EPC2: variants seen among roughly 807,000 people sequenced by gnomAD.
EPC2 encodes the protein enhancer of polycomb 2.
EPC2 carries 14 observed loss-of-function variants against 92.1 expected under a neutral mutation model. That is an observed-to-expected ratio of 0.15 (90% CI 0.10 to 0.24). The LOEUF is 0.24. Ranked by LOEUF, EPC2 falls within the 10% of genes least tolerant of loss-of-function variation. The pLI is 1.00. For missense variants in EPC2, 755 were observed against 971.5 expected (o/e 0.78, Z 2.96); for synonymous variants, 340 against 334.7 (o/e 1.02, Z -0.17).
intron 1 of EPC2, among the ~76,000 whole-genome samples, chr2:148,648,220 A>G (rs1683846325): frequency 6.6e-6 from 1 of 152,192 alleles, no homozygotes; most frequent in Non-Finnish European, 1.5e-5. Flanking sequence ...AGAGTGTCCA[A>G]TTGGAGTATT....
intron 10 of EPC2, among the ~76,000 whole-genome samples, chr2:148,778,716 A>T (rs552423713): frequency 5.3e-5 from 8 of 152,106 alleles, no homozygotes; most frequent in Admixed American, 3.3e-4. Context: ...ACTATTGGCA[A>T]TTTTTGTCTA....
chr2:148,696,199 A>G (rs1681742030), intron 2 of EPC2, among the ~76,000 whole-genome samples: 1 of 152,238 alleles, frequency 6.6e-6, no homozygotes, highest in African/African-American at 2.4e-5. Flanking sequence ...CTGTTATCCC[A>G]GCACTTTGGG....
At chr2:148,723,005 A>C (rs1039424349) in intron 2 of EPC2, among the ~76,000 whole-genome samples, 4 of 152,174 alleles carry the variant, frequency 2.6e-5, no homozygotes, top group Non-Finnish European at 5.9e-5. Context: ...AGGGAACAAG[A>C]GACACTGGGA....
intron 2 of EPC2, among the ~76,000 whole-genome samples, chr2:148,734,243 C>CT (rs1224520972): frequency 6.6e-6 from 1 of 151,732 alleles, no homozygotes; most frequent in African/African-American, 2.4e-5. Context: ...GCCCTAGTGA[C>CT]TTTAAGTTTT....
chr2:148,777,632 CTG>C, intron 10 of EPC2, among the ~76,000 whole-genome samples: 1 of 152,142 alleles, frequency 6.6e-6, no homozygotes, highest in East Asian at 1.9e-4. Flanking sequence ...AGTGTAAAAT[CTG>C]TGGAGGTACC....
At chr2:148,742,784 CAAAAAA>C in intron 2 of EPC2, among the ~76,000 whole-genome samples, 1 of 135,090 alleles carries the variant, frequency 7.4e-6, no homozygotes, top group East Asian at 2.1e-4. Flanking sequence ...GACCTTGCCT[CAAAAAA>C]AAAAAAAAAA....
At chr2:148,670,217 C>T (rs1003993216) in intron 1 of EPC2, among the ~76,000 whole-genome samples, 1 of 152,190 alleles carries the variant, frequency 6.6e-6, no homozygotes, top group African/African-American at 2.4e-5. Flanking sequence ...TTTTCCTTCT[C>T]TTAAAGAGCA....
At chr2:148,776,250 G>A (rs1271854235) in intron 10 of EPC2, among the ~76,000 whole-genome samples, 4 of 152,082 alleles carry the variant, frequency 2.6e-5, no homozygotes, top group Admixed American at 2.6e-4. Flanking sequence ...TAAGGGTTAG[G>A]GTTGCTTCCA....
In EPC2 at chr2:148,781,800, A is replaced by G; in HGVS notation, c.1857+20A>G. On this transcript the variant is annotated intron_variant, in intron 11 of 13. Coordinates refer to ENST00000258484, the MANE Select transcript of EPC2 (RefSeq NM_015630.4). ...GCACAGGTAAACTGCTCTTTTCGTC[A>G]TAGTTACGTTTGTTTCTTTCATCAT... is the stretch of plus-strand genomic sequence containing the variant. The G allele has an allele frequency of 6.2e-7, 1 of 1,612,630 alleles. No individual in the cohort carries two copies. The highest frequency in any genetic ancestry group is 8.5e-7 in the Non-Finnish European group (1 of 1,179,248).
chr2:148,771,680 C>T (rs985796271), intron 10 of EPC2, among the ~76,000 whole-genome samples: 3 of 152,134 alleles, frequency 2.0e-5, no homozygotes, highest in Non-Finnish European at 4.4e-5. Context: ...CTATCTGCTG[C>T]TTATGTTAAA....
intron 2 of EPC2, among the ~76,000 whole-genome samples, chr2:148,700,705 T>TA (rs71406028): frequency 1.3e-5 from 2 of 150,864 alleles, no homozygotes; most frequent in African/African-American, 4.9e-5. Context: ...TTTTTTTTTT[T>TA]AGCACCAGTT....
intron 1 of EPC2, among the ~76,000 whole-genome samples, chr2:148,666,717 C>A (rs1180559984): frequency 6.6e-6 from 1 of 152,166 alleles, no homozygotes; most frequent in African/African-American, 2.4e-5. Context: ...CATCAAACAT[C>A]ACCTGGGAAC....
intron 1 of EPC2, among the ~76,000 whole-genome samples, chr2:148,684,402 T>C (rs1317073231): frequency 6.6e-6 from 1 of 152,262 alleles, no homozygotes. Context: ...GTTTGGGTTC[T>C]TGGTCATGAA....
chr2:148,649,687 A>G (rs1248039789), intron 1 of EPC2, among the ~76,000 whole-genome samples: 3 of 152,226 alleles, frequency 2.0e-5, no homozygotes, highest in Non-Finnish European at 4.4e-5. Flanking sequence ...CTGCTAGTGC[A>G]GGGCTGAAAT....
At position 148,770,876 on chromosome 2, in the gene EPC2, A is replaced by G; in HGVS notation, c.1315A>G (p.Thr439Ala). Residue 439 changes from threonine to alanine, a missense_variant, in exon 9 of 14, where the codon ACA (threonine) becomes GCA (alanine). Thr to Ala is a moderately conservative substitution (Grantham distance 58, BLOSUM62 0). Around this residue, in one of 4 missense-constraint regions of EPC2, gnomAD observed 509 missense variants for 607.7 expected, o/e 0.84. Coordinates refer to ENST00000258484, the MANE Select transcript of EPC2 (RefSeq NM_015630.4). ...GTTGAGGTATAGGCATTGCCTTACA[A>G]CACTTACAGTCCCAAGAAGATGTAT... Reference protein sequence around the residue: ...DKLRYRHCLTTLTVPRRCIGF... With the variant: ...DKLRYRHCLTALTVPRRCIGF... 1 of 1,613,858 alleles carries G rather than the reference A, an allele frequency of 6.2e-7. No homozygotes were observed. Among genetic ancestry groups the G allele is most frequent in the Non-Finnish European group, 8.5e-7 (1 of 1,179,846 alleles).
chr2:148,687,634 A>G (rs534121035), intron 1 of EPC2, among the ~76,000 whole-genome samples: 1 of 152,340 alleles, frequency 6.6e-6, no homozygotes, highest in East Asian at 1.9e-4. Context: ...ATGATGTAGT[A>G]TAGATGATTA....
At chr2:148,736,184 A>AT (rs1463386044) in intron 2 of EPC2, among the ~76,000 whole-genome samples, 1 of 152,126 alleles carries the variant, frequency 6.6e-6, no homozygotes, top group African/African-American at 2.4e-5. Context: ...ATGGAGACTG[A>AT]TTTTTTAGTA....
At chr2:148,677,341 G>T (rs1039808930) in intron 1 of EPC2, among the ~76,000 whole-genome samples, 1 of 152,140 alleles carries the variant, frequency 6.6e-6, no homozygotes, top group Non-Finnish European at 1.5e-5. Context: ...TTAACAAGAA[G>T]AGAGTCATCT....
chr2:148,749,441 A>C (rs540890466), intron 3 of EPC2, among the ~76,000 whole-genome samples: 1 of 152,110 alleles, frequency 6.6e-6, no homozygotes, highest in African/African-American at 2.4e-5. Flanking sequence ...AATTCAAATT[A>C]AAAGCGCCTA....
Sources: gnomAD v4.1 joint callset for allele counts (sites outside exome capture counted in the v4.1 genomes callset) on GRCh38, gnomAD v4.1.1 for gene constraint, gnomAD v4.1.1 regional missense constraint, MANE v1.5 for transcripts, NCBI Gene and HGNC (gene_info 2026-07-23, HGNC 2026-07-21) for gene names.